ATP8A2: variants seen among roughly 807,000 people sequenced by gnomAD.
The protein encoded by ATP8A2 is phospholipid-transporting ATPase IB.
A neutral mutation model predicts 165.6 loss-of-function variants in ATP8A2; 100 were observed. The ratio of observed to expected loss-of-function variants is 0.60; its 90% CI spans 0.51 to 0.71. The LOEUF (loss-of-function observed/expected upper bound fraction) is 0.71, where lower values mean the gene tolerates loss of function less well. Among genes scored for constraint, ATP8A2 ranks in the 30% least tolerant of loss-of-function variants. ATP8A2 has a pLI of 0.00. For synonymous variants in ATP8A2, 543 were observed against 548.8 expected (o/e 0.99, Z 0.15); for missense variants, 1,227 against 1,479.5 (o/e 0.83, Z 2.80).
At chr13:25,843,912 G>T (rs1427936199) in intron 30 of ATP8A2, among the ~76,000 whole-genome samples, 2 of 152,156 alleles carry the variant, frequency 1.3e-5, no homozygotes, top group Admixed American at 1.3e-4. Context: ...TGGCGGAGGG[G>T]GGGACTTTTT....
At chr13:25,586,047 G>A (rs1050399139) in intron 23 of ATP8A2, among the ~76,000 whole-genome samples, 2 of 152,162 alleles carry the variant, frequency 1.3e-5, no homozygotes, top group African/African-American at 4.8e-5. Context: ...TTATGTGCCC[G>A]ATACTGCACT....
chr13:25,601,666 G>C (rs1305104120), intron 24 of ATP8A2, among the ~76,000 whole-genome samples: 1 of 152,150 alleles, frequency 6.6e-6, no homozygotes, highest in Admixed American at 6.5e-5. Flanking sequence ...TAGAGACAGG[G>C]TTTCACCATG....
chr13:25,643,091 A>G (rs2041576666), intron 24 of ATP8A2, among the ~76,000 whole-genome samples: 1 of 152,198 alleles, frequency 6.6e-6, no homozygotes, highest in African/African-American at 2.4e-5. Context: ...GAGGGATAGC[A>G]TTAGGAGATA....
intron 24 of ATP8A2, among the ~76,000 whole-genome samples, chr13:25,674,994 C>A (rs1267461337): frequency 6.6e-6 from 1 of 152,170 alleles, no homozygotes; most frequent in Admixed American, 6.5e-5. Context: ...CCCTTTACTT[C>A]TTTCTGTTGT....
At chr13:25,919,888 G>C (rs989173870) in intron 33 of ATP8A2, among the ~76,000 whole-genome samples, 2 of 152,042 alleles carry the variant, frequency 1.3e-5, no homozygotes, top group African/African-American at 4.8e-5. Context: ...CCACGCTCAG[G>C]CAGTGCCCCC....
At chr13:25,453,346 G>A (rs571286552) in intron 1 of ATP8A2, among the ~76,000 whole-genome samples, 2 of 151,906 alleles carry the variant, frequency 1.3e-5, no homozygotes, top group South Asian at 2.1e-4. Flanking sequence ...GACTGGTCTC[G>A]AACTCCTGAC....
chr13:25,670,925 T>G (rs551473333), intron 24 of ATP8A2, among the ~76,000 whole-genome samples: 20 of 152,340 alleles, frequency 1.3e-4, no homozygotes, highest in African/African-American at 4.6e-4. Context: ...GTTTGTTTAC[T>G]TCCTTTCTTC....
At chr13:25,889,254 A>ATATATATATATATATATATG (rs1953272948) in intron 33 of ATP8A2, among the ~76,000 whole-genome samples, 1 of 144,688 alleles carries the variant, frequency 6.9e-6, no homozygotes, top group African/African-American at 2.5e-5. Context: ...TCATATATAT[A>ATATATATATATATATATATG]TATATATATA....
At chr13:25,763,206 C>T (rs1012730808) in intron 25 of ATP8A2, among the ~76,000 whole-genome samples, 3 of 152,168 alleles carry the variant, frequency 2.0e-5, no homozygotes, top group African/African-American at 4.8e-5. Flanking sequence ...GAAACCCATT[C>T]GCTCATGGAT....
At chr13:25,514,955 G>C (rs2037417796) in intron 2 of ATP8A2, among the ~76,000 whole-genome samples, 1 of 152,202 alleles carries the variant, frequency 6.6e-6, no homozygotes, top group Non-Finnish European at 1.5e-5. Flanking sequence ...CAGGCATCCA[G>C]TTGAACATTA....
chr13:25,601,177 T>C (rs1385750226), intron 24 of ATP8A2, among the ~76,000 whole-genome samples: 1 of 152,208 alleles, frequency 6.6e-6, no homozygotes, highest in African/African-American at 2.4e-5. Flanking sequence ...CTGCTTTCTG[T>C]ACTTAGAAAA....
chr13:25,450,811 T>G (rs564686293), intron 1 of ATP8A2, among the ~76,000 whole-genome samples: 51 of 152,086 alleles, frequency 3.4e-4, no homozygotes, highest in African/African-American at 8.9e-4. Flanking sequence ...GATTACAGGC[T>G]TGAGCCACCG....
intron 27 of ATP8A2, among the ~76,000 whole-genome samples, chr13:25,808,923 C>T (rs1950801847): frequency 6.6e-6 from 1 of 152,068 alleles, no homozygotes; most frequent in African/African-American, 2.4e-5. Context: ...AGGTTTTCCA[C>T]AGAGCTGAAA....
intron 33 of ATP8A2, among the ~76,000 whole-genome samples, chr13:25,904,846 C>T (rs757526552): frequency 5.9e-5 from 9 of 152,206 alleles, no homozygotes; most frequent in Non-Finnish European, 1.5e-5. Flanking sequence ...CAACATTCAG[C>T]GAATAATCAC....
intron 1 of ATP8A2, among the ~76,000 whole-genome samples, chr13:25,439,411 A>T (rs2034869993): frequency 6.6e-6 from 1 of 152,184 alleles, no homozygotes; most frequent in South Asian, 2.1e-4. Flanking sequence ...AGACTCTATT[A>T]GGGCATTTTA....
intron 2 of ATP8A2, among the ~76,000 whole-genome samples, chr13:25,529,737 C>T (rs1593468271): frequency 2.0e-5 from 3 of 152,104 alleles, no homozygotes; most frequent in Admixed American, 6.6e-5. Context: ...GATGTCTCTG[C>T]TTATGTTGTG....
intron 2 of ATP8A2, among the ~76,000 whole-genome samples, chr13:25,496,845 ATT>A (rs2036693753): frequency 6.6e-6 from 1 of 152,156 alleles, no homozygotes; most frequent in Non-Finnish European, 1.5e-5. Context: ...AGTATTTAAT[ATT>A]CTTATTAAAA....
rs923331226 is a variant in ATP8A2, at chr13:25,953,053, G to A, written c.3184-8522G>A. Among the ~76,000 whole-genome samples, 5 of 152,180 alleles carry A rather than the reference G, an allele frequency of 3.3e-5. No homozygotes were observed. The highest frequency in any genetic ancestry group is 3.3e-4 in the Admixed American group (5 of 15,280). ...GCAAGGAGGGCTGAGAAGAGAAGGT[G>A]GCAATGGCAACTGCAAGGGTTCTTC... is the stretch of plus-strand genomic sequence containing the variant. On this transcript the variant is annotated intron_variant, in intron 33 of 36. Transcript: ENST00000381655. The surrounding 1 kb of genome is among the most constrained non-coding windows in gnomAD (Gnocchi z 6.7).
At chr13:25,607,492 ATTG>A (rs1378811112) in intron 24 of ATP8A2, among the ~76,000 whole-genome samples, 1 of 151,918 alleles carries the variant, frequency 6.6e-6, no homozygotes, top group Non-Finnish European at 1.5e-5. Context: ...TGATAAACCG[ATTG>A]TTAAGTCAAA....
Sources: allele counts gnomAD v4.1 joint callset (sites outside exome capture counted in the v4.1 genomes callset), GRCh38; gene constraint gnomAD v4.1.1; non-coding constraint Gnocchi (gnomAD v3.1); transcripts MANE v1.5; gene names NCBI Gene and HGNC (gene_info 2026-07-23, HGNC 2026-07-21).